The following ASTN2 variants were observed in gnomAD, a reference collection of about 807,000 sequenced individuals.
ASTN2 encodes astrotactin 2.
A neutral mutation model predicts 139.8 loss-of-function variants in ASTN2; 54 were observed. The observed-to-expected ratio is 0.39, with a 90% confidence interval of 0.31 to 0.48. The LOEUF (loss-of-function observed/expected upper bound fraction) is 0.48. Among genes scored for constraint, ASTN2 ranks in the 20% least tolerant of loss-of-function variants. The pLI is 0.95. For missense variants in ASTN2, 1,565 were observed against 1,725.1 expected (o/e 0.91, Z 1.64); for synonymous variants, 756 against 719.5 (o/e 1.05, Z -0.81).
chr9:116,592,268 G>T (rs955541253), intron 19 of ASTN2, among the ~76,000 whole-genome samples: 2 of 152,136 alleles, frequency 1.3e-5, no homozygotes, highest in African/African-American at 4.8e-5. Context: ...CAGTTCCACA[G>T]CCATGAAGCG....
At chr9:116,670,210 G>T (rs1175901132) in intron 16 of ASTN2, among the ~76,000 whole-genome samples, 1 of 152,168 alleles carries the variant, frequency 6.6e-6, no homozygotes, top group African/African-American at 2.4e-5. Context: ...AGATTTAAGG[G>T]TTTATTGTTT....
chr9:117,096,778 G>A (rs894659215), intron 4 of ASTN2, among the ~76,000 whole-genome samples: 1 of 152,176 alleles, frequency 6.6e-6, no homozygotes, highest in Non-Finnish European at 1.5e-5. Flanking sequence ...CGGAGGGCCT[G>A]AGAAGGTTTT....
intron 5 of ASTN2, 117 bp downstream of exon 5, chr9:117,095,927 T>C: frequency 1.1e-6 from 1 of 913,000 alleles, no homozygotes. Flanking sequence ...AGCTCAGTTT[T>C]AACCAGATGG....
Position 116,498,428 on chromosome 9 carries a change from A to C in ASTN2, c.3356-10928T>G, listed in dbSNP as rs574147817. Among the ~76,000 whole-genome samples the C allele has an allele frequency of 1.6e-4, 20 of 126,632 alleles. 1 individual carries two copies. The highest frequency in any genetic ancestry group is 3.1e-4 in the African/African-American group (11 of 34,932). 83.1% of individuals were successfully genotyped at this position (126,632 alleles called of 152,430 possible). A position where few individuals can be genotyped will look rare whatever the true frequency, so the allele number is the denominator to read the frequency against. On this transcript the variant is annotated intron_variant, in intron 19 of 22. Transcript: ENST00000313400. ...AGCAAGACCCCATCTCTAAAAAAAA[A>C]CAAAAAACAAAAAACAAAAAACAGC...
chr9:116,926,186 A>G (rs1367525505), intron 10 of ASTN2, among the ~76,000 whole-genome samples: 1 of 152,166 alleles, frequency 6.6e-6, no homozygotes, highest in Non-Finnish European at 1.5e-5. Context: ...TTCAAATACT[A>G]CAGTGTCTAA....
intron 1 of ASTN2, among the ~76,000 whole-genome samples, chr9:117,411,885 G>T (rs191406752): frequency 2.2e-4 from 33 of 152,282 alleles, no homozygotes; most frequent in African/African-American, 7.5e-4. Context: ...CAAACGTTAG[G>T]CAGGATGTTT....
chr9:117,015,008 G>C (rs950348736), intron 6 of ASTN2, among the ~76,000 whole-genome samples: 1 of 151,896 alleles, frequency 6.6e-6, no homozygotes, highest in African/African-American at 2.4e-5. Context: ...ATTTCTTTTT[G>C]TTTGTTGTTT....
chr9:117,206,787 C>T (rs1409965534), intron 3 of ASTN2, among the ~76,000 whole-genome samples: 1 of 152,148 alleles, frequency 6.6e-6, no homozygotes, highest in African/African-American at 2.4e-5. Context: ...ACTGCTCACC[C>T]ACCCTCAAGT....
intron 3 of ASTN2, among the ~76,000 whole-genome samples, chr9:117,191,905 G>A (rs984600612): frequency 3.9e-5 from 6 of 152,192 alleles, no homozygotes; most frequent in Admixed American, 1.3e-4. Flanking sequence ...GGGCTCTGAG[G>A]GAGTAGGGAG....
At chr9:116,466,059 C>T (rs1404476202) in intron 20 of ASTN2, among the ~76,000 whole-genome samples, 1 of 152,168 alleles carries the variant, frequency 6.6e-6, no homozygotes, top group Non-Finnish European at 1.5e-5. Context: ...CACAAATAAC[C>T]TTGAAAGCAA....
chr9:116,539,890 T>A (rs1851807117), intron 19 of ASTN2, among the ~76,000 whole-genome samples: 1 of 152,224 alleles, frequency 6.6e-6, no homozygotes, highest in South Asian at 2.1e-4. Context: ...GAGACTACTG[T>A]ATTATAAAAA....
chr9:116,810,421 C>G (rs762459038), intron 12 of ASTN2, among the ~76,000 whole-genome samples: 1 of 152,174 alleles, frequency 6.6e-6, no homozygotes, highest in Non-Finnish European at 1.5e-5. Context: ...AACTACTTAA[C>G]CTCTCTGTAC....
intron 11 of ASTN2, among the ~76,000 whole-genome samples, chr9:116,849,706 ACATACGGACTTTTC>A (rs1832539964): frequency 6.6e-6 from 1 of 152,118 alleles, no homozygotes; most frequent in African/African-American, 2.4e-5. Flanking sequence ...GGCAGGCTGG[ACATACGGACTTTTC>A]CATGCTGCTA....
chr9:116,920,243 T>G (rs1261501821), intron 10 of ASTN2, among the ~76,000 whole-genome samples: 1 of 152,176 alleles, frequency 6.6e-6, no homozygotes, highest in Non-Finnish European at 1.5e-5. Context: ...TCTCCCTGGT[T>G]CCCCAGTAGA....
intron 2 of ASTN2, among the ~76,000 whole-genome samples, chr9:117,215,554 A>G (rs1023631089): frequency 6.6e-6 from 1 of 151,672 alleles, no homozygotes; most frequent in African/African-American, 2.4e-5. Context: ...ATTATCCTAC[A>G]TTAATTTGAA....
chr9:116,693,679 G>A (rs1367039046), intron 16 of ASTN2, among the ~76,000 whole-genome samples: 1 of 152,210 alleles, frequency 6.6e-6, no homozygotes, highest in African/African-American at 2.4e-5. Flanking sequence ...CATGAAGGGA[G>A]CCAAGATGAT....
chr9:117,242,210 G>T (rs890376012), intron 2 of ASTN2, among the ~76,000 whole-genome samples: 7 of 151,816 alleles, frequency 4.6e-5, no homozygotes, highest in Admixed American at 4.6e-4. Context: ...TATTTGGAAT[G>T]GTTCCCCTGG....
At chr9:116,912,908 T>C (rs928704105) in intron 10 of ASTN2, among the ~76,000 whole-genome samples, 1 of 152,080 alleles carries the variant, frequency 6.6e-6, no homozygotes, top group Non-Finnish European at 1.5e-5. Flanking sequence ...TAATTATTAT[T>C]ATTATTTTGA....
At chr9:116,752,227 C>T (rs1169848874) in intron 13 of ASTN2, among the ~76,000 whole-genome samples, 1 of 152,104 alleles carries the variant, frequency 6.6e-6, no homozygotes, top group African/African-American at 2.4e-5. Context: ...AACGCAGAAG[C>T]AAAGGCAGTT....
Sources: gnomAD v4.1 joint callset for allele counts (sites outside exome capture counted in the v4.1 genomes callset) on GRCh38, gnomAD v4.1.1 for gene constraint, MANE v1.5 for transcripts, NCBI Gene and HGNC (gene_info 2026-07-23, HGNC 2026-07-21) for gene names.